NAALADL2: variants seen among roughly 807,000 people sequenced by gnomAD.
NAALADL2 encodes the protein inactive N-acetylated-alpha-linked acidic dipeptidase-like protein 2.
In NAALADL2, 76 loss-of-function variants were observed where a neutral mutation model predicts 87.2. That is an observed-to-expected ratio of 0.87 (90% CI 0.72 to 1.05). NAALADL2 has a LOEUF of 1.05. Ranked by LOEUF, NAALADL2 falls within the 50% of genes least tolerant of loss-of-function variation. The probability of loss-of-function intolerance (pLI) is 0.00; values close to 1 mark genes in which losing one functional copy is unlikely to be tolerated. For synonymous variants in NAALADL2, 354 were observed against 331.0 expected (o/e 1.07, Z -0.75); for missense variants, 1,089 against 945.8 (o/e 1.15, Z -1.99).
At chr3:175,724,732 G>T (rs1742706089) in intron 11 of NAALADL2, among the ~76,000 whole-genome samples, 1 of 151,706 alleles carries the variant, frequency 6.6e-6, no homozygotes, top group Non-Finnish European at 1.5e-5. Context: ...TGCCTTCATT[G>T]TCTCTATAAG....
chr3:175,681,608 A>T (rs1365460845), intron 11 of NAALADL2, among the ~76,000 whole-genome samples: 1 of 152,184 alleles, frequency 6.6e-6, no homozygotes. Context: ...AAAACATTTG[A>T]TATTTTTGTT....
intron 5 of NAALADL2, among the ~76,000 whole-genome samples, chr3:175,432,838 A>T (rs1442530760): frequency 6.6e-6 from 1 of 152,070 alleles, no homozygotes. Context: ...CTGACCACTC[A>T]GCATTCATGG....
intron 6 of NAALADL2, among the ~76,000 whole-genome samples, chr3:175,455,624 A>G (rs1442785259): frequency 1.3e-5 from 2 of 152,092 alleles, no homozygotes; most frequent in African/African-American, 4.8e-5. Flanking sequence ...GCACATATGG[A>G]TGTGAAAATG....
chr3:174,539,274 G>A (rs142524813), intron 1 of NAALADL2, among the ~76,000 whole-genome samples: 487 of 152,140 alleles, frequency 3.2e-3, no homozygotes, highest in Admixed American at 5.0e-3. Context: ...TACACACACA[G>A]AGATGAAATG....
At chr3:174,606,163 C>G (rs1719032158) in intron 2 of NAALADL2, among the ~76,000 whole-genome samples, 1 of 152,166 alleles carries the variant, frequency 6.6e-6, no homozygotes, top group Non-Finnish European at 1.5e-5. Context: ...ACCAAAAACC[C>G]ATCTGTACAT....
At chr3:175,164,514 C>T (rs920478589) in intron 2 of NAALADL2, among the ~76,000 whole-genome samples, 2 of 151,974 alleles carry the variant, frequency 1.3e-5, no homozygotes, top group African/African-American at 4.8e-5. Context: ...CTATTTATAA[C>T]ATTTTTAAGT....
intron 9 of NAALADL2, among the ~76,000 whole-genome samples, chr3:175,505,676 G>A (rs1730209769): frequency 6.6e-6 from 1 of 152,004 alleles, no homozygotes; most frequent in East Asian, 1.9e-4. Flanking sequence ...GCAAGGGCCT[G>A]GAAAAGACAA....
chr3:174,512,125 A>G (rs1719636963), intron 1 of NAALADL2, among the ~76,000 whole-genome samples: 1 of 152,148 alleles, frequency 6.6e-6, no homozygotes, highest in Admixed American at 6.5e-5. Context: ...CATCTACCTT[A>G]AGAACTTGGT....
intron 2 of NAALADL2, among the ~76,000 whole-genome samples, chr3:174,569,317 G>A (rs1714650904): frequency 6.6e-6 from 1 of 151,830 alleles, no homozygotes; most frequent in South Asian, 2.1e-4. Flanking sequence ...TGTAAGAATA[G>A]TATAGAAATT....
intron 1 of NAALADL2, among the ~76,000 whole-genome samples, chr3:174,546,261 A>G (rs1377279904): frequency 2.0e-5 from 3 of 152,138 alleles, no homozygotes; most frequent in South Asian, 2.1e-4. Flanking sequence ...ACAAGTCAGT[A>G]TGTAAACTTT....
At chr3:174,619,617 A>G (rs1357576393) in intron 2 of NAALADL2, among the ~76,000 whole-genome samples, 2 of 151,978 alleles carry the variant, frequency 1.3e-5, no homozygotes, top group Admixed American at 6.6e-5. Flanking sequence ...ATTTTTGGCA[A>G]ATGGCAAATT....
chr3:175,760,565 T>C (rs1013415352), intron 13 of NAALADL2, among the ~76,000 whole-genome samples: 12 of 152,178 alleles, frequency 7.9e-5, no homozygotes, highest in Non-Finnish European at 1.8e-4. Context: ...TCACAAAATA[T>C]CAGTACTATC....
intron 10 of NAALADL2, among the ~76,000 whole-genome samples, chr3:175,613,870 A>T (rs781138067): frequency 6.6e-6 from 1 of 152,188 alleles, no homozygotes; most frequent in South Asian, 2.1e-4. Flanking sequence ...ATATTTTTTC[A>T]ATTCATGTTA....
chr3:175,530,405 A>G (rs1733940703), intron 9 of NAALADL2, among the ~76,000 whole-genome samples: 1 of 152,170 alleles, frequency 6.6e-6, no homozygotes, highest in African/African-American at 2.4e-5. Context: ...TCAGTATGTC[A>G]TCAAGCATCT....
At chr3:174,699,015 AAT>A (rs1386400079) in intron 2 of NAALADL2, among the ~76,000 whole-genome samples, 2 of 151,900 alleles carry the variant, frequency 1.3e-5, no homozygotes, top group Non-Finnish European at 2.9e-5. Context: ...TTCAAAGCTG[AAT>A]AGTTATTTAA....
At chr3:175,143,129 C>T (rs1730243081) in intron 2 of NAALADL2, among the ~76,000 whole-genome samples, 1 of 151,906 alleles carries the variant, frequency 6.6e-6, no homozygotes, top group Non-Finnish European at 1.5e-5. Context: ...ATTCACAAAT[C>T]GTAATACTTG....
At chr3:175,741,583 C>CTGT (rs1561068527) in intron 12 of NAALADL2, among the ~76,000 whole-genome samples, 1 of 151,740 alleles carries the variant, frequency 6.6e-6, no homozygotes, top group Non-Finnish European at 1.5e-5. Context: ...CATAAAATAG[C>CTGT]TGTTTTTTTT....
At chr3:174,903,796 A>G (rs1289833950) in intron 1 of NAALADL2, among the ~76,000 whole-genome samples, 3 of 151,816 alleles carry the variant, frequency 2.0e-5, no homozygotes, top group Non-Finnish European at 4.4e-5. Context: ...TAATGAGATT[A>G]AGTAGTGACT....
chr3:175,093,267 A>T (rs929777126), intron 1 of NAALADL2, among the ~76,000 whole-genome samples: 2 of 151,544 alleles, frequency 1.3e-5, no homozygotes, highest in African/African-American at 2.4e-5. Context: ...GAAACGTGAT[A>T]TGTTTTTGTC....
Sources: allele counts gnomAD v4.1 joint callset (sites outside exome capture counted in the v4.1 genomes callset), GRCh38; gene constraint gnomAD v4.1.1; transcripts MANE v1.5; gene names NCBI Gene and HGNC (gene_info 2026-07-23, HGNC 2026-07-21).